Variants in PCDHGA1 observed in about 807,000 individuals in gnomAD.
PCDHGA1 encodes the protein protocadherin gamma subfamily A, 1, also known as protocadherin gamma-A1.
In PCDHGA1, 32 loss-of-function variants were observed where a neutral mutation model predicts 58.0. That is an observed-to-expected ratio of 0.55 (90% CI 0.42 to 0.74). The LOEUF is 0.74. Ranked by LOEUF, PCDHGA1 falls within the 30% of genes least tolerant of loss-of-function variation. The pLI is 0.00. For missense variants in PCDHGA1, 1,205 were observed against 1,182.3 expected (o/e 1.02, Z -0.28); for synonymous variants, 498 against 501.1 (o/e 0.99, Z 0.08).
chr5:141,503,418 A>G (rs1037754214), intron 2 of PCDHGA1, among the ~76,000 whole-genome samples: 1 of 151,528 alleles, frequency 6.6e-6, no homozygotes, highest in Admixed American at 6.6e-5. Context: ...AATATGGTGA[A>G]ACCCCATCTC....
chr5:141,348,728 G>T (rs1229427030), intron 1 of PCDHGA1, among the ~76,000 whole-genome samples: 1 of 152,152 alleles, frequency 6.6e-6, no homozygotes, highest in Non-Finnish European at 1.5e-5. Flanking sequence ...AAAGGGAGGA[G>T]AAGTTCATAG....
chr5:141,349,171 G>C (rs1007619179), intron 1 of PCDHGA1, among the ~76,000 whole-genome samples: 1 of 152,186 alleles, frequency 6.6e-6, no homozygotes, highest in African/African-American at 2.4e-5. Flanking sequence ...CCTGAGTTAA[G>C]TGATTCTGCT....
At chr5:141,494,770 C>A (rs767006872) in intron 1 of PCDHGA1, 37 bp from the exon 2 acceptor site, 14 of 1,613,904 alleles carry the variant, frequency 8.7e-6, no homozygotes, top group Non-Finnish European at 1.1e-5. Flanking sequence ...TAACTTCTCA[C>A]GGGTACTCAG....
chr5:141,492,859 C>T (rs966216924), intron 1 of PCDHGA1, among the ~76,000 whole-genome samples: 1 of 152,232 alleles, frequency 6.6e-6, no homozygotes, highest in Non-Finnish European at 1.5e-5. Flanking sequence ...CTCGAGCGCC[C>T]TGGCTCTCAA....
chr5:141,352,578 C>T (rs777353381), intron 1 of PCDHGA1: 22 of 1,613,822 alleles, frequency 1.4e-5, no homozygotes, highest in Admixed American at 1.7e-5. Flanking sequence ...ATGGCTCCCC[C>T]TCAGGATCTG....
chr5:141,375,097 G>T (rs377388001), intron 1 of PCDHGA1: 1 of 1,613,904 alleles, frequency 6.2e-7, no homozygotes, highest in Non-Finnish European at 8.5e-7. Flanking sequence ...TAACTATCTT[G>T]GATGTCAATG....
chr5:141,423,482 A>G, intron 1 of PCDHGA1: 2 of 1,613,968 alleles, frequency 1.2e-6, no homozygotes, highest in African/African-American at 1.3e-5. Flanking sequence ...GCTTTCCTGC[A>G]AACCTATTCC....
At chr5:141,358,919 A>G (rs1761058945) in intron 1 of PCDHGA1, among the ~76,000 whole-genome samples, 1 of 152,222 alleles carries the variant, frequency 6.6e-6, no homozygotes, top group Non-Finnish European at 1.5e-5. Flanking sequence ...TTTTGTGTGT[A>G]GGGGATATAC....
intron 1 of PCDHGA1, chr5:141,374,687 C>G (rs1443411888): frequency 6.2e-7 from 1 of 1,609,446 alleles, no homozygotes; most frequent in African/African-American, 1.3e-5. Context: ...CACACTGGAC[C>G]GGGAAGGAGA....
At chr5:141,374,137 G>A in intron 1 of PCDHGA1, 1 of 1,606,330 alleles carries the variant, frequency 6.2e-7, no homozygotes. Context: ...TGCTCCTCAC[G>A]CTCCTGGGGA....
At chr5:141,384,149 T>A in intron 1 of PCDHGA1, 1 of 1,613,370 alleles carries the variant, frequency 6.2e-7, no homozygotes, top group Non-Finnish European at 8.5e-7. Flanking sequence ...ACACTCTCTT[T>A]GTATAACATC....
chr5:141,380,974 A>G (rs1008958709), intron 1 of PCDHGA1, among the ~76,000 whole-genome samples: 1 of 152,262 alleles, frequency 6.6e-6, no homozygotes, highest in Non-Finnish European at 1.5e-5. Flanking sequence ...TATTAAACAA[A>G]TAGAATTTAA....
chr5:141,462,782 T>C (rs1397671639), intron 1 of PCDHGA1, among the ~76,000 whole-genome samples: 1 of 152,220 alleles, frequency 6.6e-6, no homozygotes, highest in Non-Finnish European at 1.5e-5. Flanking sequence ...TCATAATTTG[T>C]TGCTTATTTG....
intron 1 of PCDHGA1, among the ~76,000 whole-genome samples, chr5:141,457,215 T>C (rs1356941645): frequency 1.3e-5 from 2 of 152,186 alleles, no homozygotes; most frequent in South Asian, 2.1e-4. Flanking sequence ...AAATGTGGTG[T>C]GGTAGGTAAT....
At position 141,481,468 on chromosome 5, in the gene PCDHGA1, G is replaced by A. The variant is rs575259839; in HGVS notation, c.2422-13339G>A. Among the ~76,000 whole-genome samples the A allele has an allele frequency of 2.6e-5, 4 of 152,332 alleles. No homozygotes were observed. In the South Asian group the frequency reaches 8.3e-4, roughly 32 times the overall value. On this transcript the variant is annotated intron_variant, in intron 1 of 3. Transcript: ENST00000517417. Reference sequence around the variant, plus strand: ...CATGTAAATACACTGAAAACCATTGGATTATACACTTTAAATATGTGATTT... The same window carrying A: ...CATGTAAATACACTGAAAACCATTGAATTATACACTTTAAATATGTGATTT...
rs1376069004 is a variant in PCDHGA1 at position 141,457,869 on chromosome 5, G to T, written c.2422-36938G>T. On this transcript the variant is annotated intron_variant, in intron 1 of 3. Transcript: ENST00000517417. ...AAGTGACATTCTTCACTGACCACAG[G>T]TTAGGAACCCTGTGTGGGGACTGTG... 2.0e-5 allele frequency among the ~76,000 whole-genome samples: 3 copies of T among 152,334 alleles called. No individual in the cohort carries two copies. The East Asian group carries it at 5.8e-4, about 29-fold the overall frequency.
chr5:141,422,027 C>A, intron 1 of PCDHGA1: 1 of 1,610,650 alleles, frequency 6.2e-7, no homozygotes, highest in Non-Finnish European at 8.5e-7. Context: ...ATGGTTAATG[C>A]AACGGATCCA....
intron 1 of PCDHGA1, chr5:141,398,136 C>G: frequency 6.4e-7 from 1 of 1,556,004 alleles, no homozygotes; most frequent in Non-Finnish European, 8.6e-7. Flanking sequence ...GGATGGGGAG[C>G]GGCGCCGGGG....
intron 1 of PCDHGA1, among the ~76,000 whole-genome samples, chr5:141,358,590 C>T (rs1250031293): frequency 1.3e-5 from 2 of 152,218 alleles, no homozygotes; most frequent in Non-Finnish European, 2.9e-5. Flanking sequence ...TCCTCTGGTG[C>T]ACTCCTGTGA....
Sources: allele counts gnomAD v4.1 joint callset (sites outside exome capture counted in the v4.1 genomes callset), GRCh38; gene constraint gnomAD v4.1.1; transcripts MANE v1.5; gene names NCBI Gene and HGNC (gene_info 2026-07-23, HGNC 2026-07-21).